The following CYB5R4 variants were observed in gnomAD, a reference collection of about 807,000 sequenced individuals.
CYB5R4 encodes cytochrome b5 reductase 4.
CYB5R4 carries 55 observed loss-of-function variants against 70.2 expected under a neutral mutation model. That is an observed-to-expected ratio of 0.78 (90% CI 0.63 to 0.98). The LOEUF (loss-of-function observed/expected upper bound fraction) is 0.98. Among genes scored for constraint, CYB5R4 ranks in the 50% least tolerant of loss-of-function variants. The probability of loss-of-function intolerance (pLI) is 0.00; values close to 1 mark genes in which losing one functional copy is unlikely to be tolerated. For missense variants in CYB5R4, 562 were observed against 612.6 expected (o/e 0.92, Z 0.87); for synonymous variants, 197 against 199.5 (o/e 0.99, Z 0.11).
At chr6:83,876,613 C>T (rs1432825146) in intron 2 of CYB5R4, among the ~76,000 whole-genome samples, 2 of 150,992 alleles carry the variant, frequency 1.3e-5, no homozygotes, top group African/African-American at 4.9e-5. Context: ...TAATAATATA[C>T]TTCCATTTTC....
chr6:83,863,709 GA>G (rs1008861981), intron 1 of CYB5R4, among the ~76,000 whole-genome samples: 1 of 151,452 alleles, frequency 6.6e-6, no homozygotes, highest in East Asian at 1.9e-4. Flanking sequence ...AATATTTGGG[GA>G]AAAAAATTAA....
At chr6:83,940,005 T>G in intron 12 of CYB5R4, 51 bp from the exon 13 acceptor site, 2 of 1,397,514 alleles carry the variant, frequency 1.4e-6, no homozygotes, top group East Asian at 2.4e-5. Flanking sequence ...GGTTTTTTGT[T>G]TTGTTTTTTG....
At chr6:83,943,158 T>G (rs915435618) in intron 14 of CYB5R4, among the ~76,000 whole-genome samples, 5 of 152,134 alleles carry the variant, frequency 3.3e-5, no homozygotes, top group African/African-American at 1.2e-4. Context: ...CACCTGAGCC[T>G]CCTGACGGGG....
chr6:83,882,730 A>G (rs1234110912), intron 2 of CYB5R4, among the ~76,000 whole-genome samples: 1 of 152,178 alleles, frequency 6.6e-6, no homozygotes, highest in Non-Finnish European at 1.5e-5. Context: ...GCTCACGCCT[A>G]TAATCCCAGC....
chr6:83,951,065 G>C (rs975210590), intron 14 of CYB5R4, among the ~76,000 whole-genome samples: 2 of 152,020 alleles, frequency 1.3e-5, no homozygotes, highest in Non-Finnish European at 2.9e-5. Flanking sequence ...TCACAGGAGA[G>C]CCCCCCTACA....
At chr6:83,955,171 T>C (rs1271128497) in intron 14 of CYB5R4, 127 bp from the exon 15 acceptor site, 2 of 694,690 alleles carry the variant, frequency 2.9e-6, no homozygotes, top group East Asian at 3.0e-5. Context: ...AGTGTTTTTC[T>C]AGCAAGTAAG....
intron 3 of CYB5R4, among the ~76,000 whole-genome samples, chr6:83,898,907 C>T (rs2099462393): frequency 6.6e-6 from 1 of 152,178 alleles, no homozygotes; most frequent in Non-Finnish European, 1.5e-5. Context: ...ATGTCATCTG[C>T]AAACAGGGAC....
At chr6:83,895,852 A>ACGC (rs1202234366) in intron 3 of CYB5R4, among the ~76,000 whole-genome samples, 3 of 152,182 alleles carry the variant, frequency 2.0e-5, no homozygotes, top group Admixed American at 6.5e-5. Flanking sequence ...AACTACAGTG[A>ACGC]CGCTTGCATT....
chr6:83,938,048 T>C (rs1473885133), intron 12 of CYB5R4, among the ~76,000 whole-genome samples: 1 of 152,230 alleles, frequency 6.6e-6, no homozygotes, highest in Non-Finnish European at 1.5e-5. Flanking sequence ...TTACATTACT[T>C]TCTGAAATGT....
At chr6:83,885,518 A>G (rs1319495667) in intron 2 of CYB5R4, among the ~76,000 whole-genome samples, 2 of 152,202 alleles carry the variant, frequency 1.3e-5, no homozygotes, top group Admixed American at 6.5e-5. Context: ...TATGGTTCAC[A>G]TGTATGGTTA....
chr6:83,939,745 C>T lies in CYB5R4; in HGVS notation c.1109-311C>T, dbSNP rs78461859. On this transcript the variant is annotated intron_variant, in intron 12 of 15. Coordinates refer to ENST00000369681, the MANE Select transcript of CYB5R4 (RefSeq NM_016230.4). ...TTTATTGATAATTTGTGGATAAGTA[C>T]TTTGCAGTAGTTTGTAAATTTCAGA... is the stretch of plus-strand genomic sequence containing the variant. Among the ~76,000 whole-genome samples the T allele has an allele frequency of 1.6e-4, 25 of 152,184 alleles. No individual in the cohort carries two copies. The East Asian group carries it at 4.8e-3, about 29-fold the overall frequency.
intron 2 of CYB5R4, among the ~76,000 whole-genome samples, chr6:83,871,509 TA>T (rs1205343524): frequency 1.3e-5 from 2 of 152,166 alleles, no homozygotes; most frequent in African/African-American, 4.8e-5. Context: ...TCCCATTCAT[TA>T]AAAATTTAGT....
chr6:83,940,678 A>G, intron 14 of CYB5R4, 77 bp downstream of exon 14: 1 of 1,473,046 alleles, frequency 6.8e-7, no homozygotes, highest in Non-Finnish European at 9.0e-7. Context: ...TCTCTGGTTG[A>G]AGCTTTGATT....
At chr6:83,920,002 G>A (rs1285147422) in intron 7 of CYB5R4, among the ~76,000 whole-genome samples, 1 of 152,098 alleles carries the variant, frequency 6.6e-6, no homozygotes, top group Admixed American at 6.6e-5. Flanking sequence ...TAGGGAGGTA[G>A]TTCATTCACT....
At chr6:83,957,721 T>C (rs2099472651) in intron 15 of CYB5R4, among the ~76,000 whole-genome samples, 1 of 152,136 alleles carries the variant, frequency 6.6e-6, no homozygotes, top group South Asian at 2.1e-4. Flanking sequence ...GCTAACTGGC[T>C]TACCCAGAGT....
At chr6:83,886,855 A>G (rs923647153) in intron 2 of CYB5R4, among the ~76,000 whole-genome samples, 1 of 152,216 alleles carries the variant, frequency 6.6e-6, no homozygotes, top group Non-Finnish European at 1.5e-5. Context: ...TTTGGCTGCT[A>G]GGAAGTTCAG....
At chr6:83,899,328 G>A (rs2099462467) in intron 3 of CYB5R4, among the ~76,000 whole-genome samples, 1 of 152,182 alleles carries the variant, frequency 6.6e-6, no homozygotes. Context: ...CTTGATCATG[G>A]TGGATAAGCT....
intron 7 of CYB5R4, 39 bp downstream of exon 7, chr6:83,919,493 A>G (rs1427118310): frequency 8.8e-7 from 1 of 1,140,026 alleles, no homozygotes; most frequent in Non-Finnish European, 1.2e-6. Context: ...AGAAAATAAT[A>G]AATGTTAATT....
intron 12 of CYB5R4, among the ~76,000 whole-genome samples, chr6:83,937,730 G>C (rs1439134795): frequency 6.6e-6 from 1 of 152,182 alleles, no homozygotes; most frequent in Admixed American, 6.5e-5. Context: ...TGTTGGCCAA[G>C]CTGGTCTCGA....
Sources: gnomAD v4.1 joint callset for allele counts (sites outside exome capture counted in the v4.1 genomes callset) on GRCh38, gnomAD v4.1.1 for gene constraint, MANE v1.5 for transcripts, NCBI Gene and HGNC (gene_info 2026-07-23, HGNC 2026-07-21) for gene names.